IGSF11: variants seen among roughly 807,000 people sequenced by gnomAD.
IGSF11 encodes immunoglobulin superfamily member 11, also known as CXADR like 1.
Under a neutral mutation model 41.0 loss-of-function variants are expected in IGSF11, and 22 were observed. The ratio of observed to expected loss-of-function variants is 0.54; its 90% CI spans 0.38 to 0.77. IGSF11 has a LOEUF of 0.77. Among genes scored for constraint, IGSF11 ranks in the 30% least tolerant of loss-of-function variants. IGSF11 has a pLI of 0.00. For missense variants in IGSF11, 444 were observed against 530.8 expected (o/e 0.84, Z 1.61); for synonymous variants, 219 against 201.3 (o/e 1.09, Z -0.74).
rs185697237 is a variant in IGSF11, at chr3:119,052,489, G to A, written c.49+52655C>T. ...AGGGAGGGAAGGAGGAAGAGAGGGA[G>A]GGAGGGAGGGATTTAAAAATTGCCA... On this transcript the variant is annotated intron_variant, in intron 1 of 6. Transcript: ENST00000354673. Among the ~76,000 whole-genome samples, 442 of 149,114 alleles carry A rather than the reference G, an allele frequency of 3.0e-3. 1 individual carries two copies. Among genetic ancestry groups the A allele is most frequent in the African/African-American group, 0.01 (412 of 40,542 alleles).
intron 1 of IGSF11, among the ~76,000 whole-genome samples, chr3:119,127,372 A>G (rs146415686): frequency 6.6e-6 from 1 of 152,188 alleles, no homozygotes; most frequent in East Asian, 1.9e-4. Flanking sequence ...GAAATATGGT[A>G]CTTCATAAAA....
chr3:119,005,240 T>A (rs1937376056), intron 1 of IGSF11, among the ~76,000 whole-genome samples: 1 of 146,234 alleles, frequency 6.8e-6, no homozygotes, highest in Non-Finnish European at 1.5e-5. Flanking sequence ...TCTCTTTTGA[T>A]CTTTGTTGGT....
Position 118,977,362 on chromosome 3 carries a change from A to G in IGSF11, c.53-47087T>C, listed in dbSNP as rs942271410. Among the ~76,000 whole-genome samples, 9 of 152,304 alleles carry G rather than the reference A, an allele frequency of 5.9e-5. 1 individual carries two copies. Among genetic ancestry groups the G allele is most frequent in the East Asian group, 1.9e-4 (1 of 5,180 alleles). ...AGGACCACATTCCTCAGTGCCCCAC[A>G]CTATATCTGGAACCTCTGAGGCATG... On this transcript the variant is annotated intron_variant, in intron 1 of 6. Coordinates refer to ENST00000393775, the MANE Select transcript of IGSF11 (RefSeq NM_001015887.3).
intron 4 of IGSF11, among the ~76,000 whole-genome samples, chr3:118,910,448 G>T (rs1410779242): frequency 1.3e-5 from 2 of 152,054 alleles, no homozygotes; most frequent in Non-Finnish European, 2.9e-5. Flanking sequence ...CTCCCCCACT[G>T]TGCCTTCTCC....
chr3:119,135,964 C>T (rs563120767), intron 1 of IGSF11, among the ~76,000 whole-genome samples: 1 of 152,238 alleles, frequency 6.6e-6, no homozygotes, highest in African/African-American at 2.4e-5. Flanking sequence ...ATCACAAGGA[C>T]AGAAAACCAA....
At chr3:119,140,212 C>G (rs113264295) in intron 1 of IGSF11, among the ~76,000 whole-genome samples, 1 of 151,988 alleles carries the variant, frequency 6.6e-6, no homozygotes, top group Admixed American at 6.6e-5. Flanking sequence ...TATACCACTA[C>G]GTATATACTG....
chr3:119,111,814 G>A (rs1460897684), intron 1 of IGSF11, among the ~76,000 whole-genome samples: 2 of 152,216 alleles, frequency 1.3e-5, no homozygotes, highest in Admixed American at 6.5e-5. Flanking sequence ...CTAACAGACA[G>A]GACCCTCAAC....
At chr3:119,004,218 C>A (rs986885842) in intron 1 of IGSF11, among the ~76,000 whole-genome samples, 3 of 150,654 alleles carry the variant, frequency 2.0e-5, no homozygotes, top group African/African-American at 4.9e-5. Context: ...AGGAATGTAT[C>A]CATTTCTTCT....
At chr3:118,913,201 T>C (rs1052504568) in intron 4 of IGSF11, among the ~76,000 whole-genome samples, 1 of 150,302 alleles carries the variant, frequency 6.7e-6, no homozygotes, top group East Asian at 1.9e-4. Flanking sequence ...GTTTACAGAA[T>C]TAAAAGACTA....
At chr3:119,136,581 A>G (rs2077565384) in intron 1 of IGSF11, among the ~76,000 whole-genome samples, 1 of 152,178 alleles carries the variant, frequency 6.6e-6, no homozygotes, top group African/African-American at 2.4e-5. Flanking sequence ...GAGACAAAGA[A>G]GGTCACTATA....
In IGSF11 at chr3:119,033,629, G is replaced by T. The variant is rs138462415; in HGVS notation, c.52+902C>A. On this transcript the variant is annotated intron_variant, in intron 1 of 6. Coordinates refer to ENST00000393775, the MANE Select transcript of IGSF11 (RefSeq NM_001015887.3). ...GACTGGAAACATGCTGGTGTCTCCA[G>T]AAAAAAAACAGGGTTAACCACAAAG... Among the ~76,000 whole-genome samples the T allele has an allele frequency of 7.3e-4, 111 of 151,656 alleles. 1 individual carries two copies. The East Asian group carries it at 0.017, about 24-fold the overall frequency.
chr3:119,045,258 A>G (rs1941282202), intron 1 of IGSF11, among the ~76,000 whole-genome samples: 1 of 152,186 alleles, frequency 6.6e-6, no homozygotes, highest in Non-Finnish European at 1.5e-5. Context: ...AGGGAGCGCC[A>G]GACAGTGGGC....
intron 1 of IGSF11, 108 bp from the exon 2 acceptor site, chr3:118,930,383 G>T (rs1942752157): frequency 1.9e-6 from 2 of 1,060,966 alleles, no homozygotes; most frequent in Non-Finnish European, 1.3e-6. Flanking sequence ...TTGATTATGT[G>T]AACAGACTGA....
At chr3:119,058,469 A>G (rs561568708) in intron 1 of IGSF11, among the ~76,000 whole-genome samples, 156 of 151,678 alleles carry the variant, frequency 1.0e-3, no homozygotes, top group African/African-American at 3.7e-3. Context: ...AAAAGTCAGG[A>G]AACAACAGGT....
chr3:118,943,521 T>C (rs570104914), intron 1 of IGSF11, among the ~76,000 whole-genome samples: 1 of 152,344 alleles, frequency 6.6e-6, no homozygotes, highest in East Asian at 1.9e-4. Context: ...TTTATTACAA[T>C]GATAACCCTC....
At chr3:119,087,373 T>TACACACACAC (rs200774982) in intron 1 of IGSF11, among the ~76,000 whole-genome samples, 1 of 147,402 alleles carries the variant, frequency 6.8e-6, no homozygotes, top group Non-Finnish European at 1.5e-5. Context: ...GAAAATGTTA[T>TACACACACAC]ACACACACAC....
chr3:118,937,332 A>C (rs894369226), intron 1 of IGSF11, among the ~76,000 whole-genome samples: 4 of 152,200 alleles, frequency 2.6e-5, no homozygotes, highest in Non-Finnish European at 2.9e-5. Flanking sequence ...AAAAATAAAA[A>C]TTGTACACTA....
intron 1 of IGSF11, among the ~76,000 whole-genome samples, chr3:119,007,672 C>T (rs1311036866): frequency 6.6e-6 from 1 of 152,164 alleles, no homozygotes; most frequent in Non-Finnish European, 1.5e-5. Flanking sequence ...AAGCCCCATC[C>T]TTGCTTTAAC....
chr3:119,013,223 A>G (rs1306551749), intron 1 of IGSF11: 1 of 152,204 alleles, frequency 6.6e-6, no homozygotes, highest in Non-Finnish European at 1.5e-5. Flanking sequence ...TTCTAGGCTC[A>G]CTTCTTCTGC....
Sources: allele counts gnomAD v4.1 joint callset (sites outside exome capture counted in the v4.1 genomes callset), GRCh38; gene constraint gnomAD v4.1.1; transcripts MANE v1.5; gene names NCBI Gene and HGNC (gene_info 2026-07-23, HGNC 2026-07-21).